The following OLA1 variants were observed in gnomAD, a reference collection of about 807,000 sequenced individuals.
OLA1 encodes Obg like ATPase 1.
In OLA1, 14 loss-of-function variants were observed where a neutral mutation model predicts 48.4. That is an observed-to-expected ratio of 0.29 (90% CI 0.19 to 0.45). OLA1 has a LOEUF of 0.45. Among genes scored for constraint, OLA1 ranks in the 20% least tolerant of loss-of-function variants. The pLI is 1.00. For missense variants in OLA1, 325 were observed against 467.1 expected, an observed-to-expected ratio of 0.70 and a Z score of 2.80; for synonymous variants, 127 against 150.4, an observed-to-expected ratio of 0.84 and a Z score of 1.14.
At chr2:174,215,047 C>CAAA (rs527994410) in intron 4 of OLA1, among the ~76,000 whole-genome samples, 1 of 109,756 alleles carries the variant, frequency 9.1e-6, no homozygotes, top group African/African-American at 3.5e-5. Flanking sequence ...GAGACTATCT[C>CAAA]AAAAAAAAAA....
rs191855870 is a variant in OLA1, at chr2:174,246,294, C to T, written c.101+421G>A. On this transcript the variant is annotated intron_variant, in intron 2 of 10. Transcript: ENST00000284719. ...CAGCCTGGGCGACAGAGTGAGACTC[C>T]ATCTCAAAAAAAAAAAAGAAAAAGA... Among the ~76,000 whole-genome samples the T allele has an allele frequency of 6.4e-4, 87 of 135,946 alleles. 1 individual carries two copies. Among genetic ancestry groups the T allele is most frequent in the Non-Finnish European group, 1.2e-3 (71 of 60,648 alleles). 89.2% of individuals were successfully genotyped at this position (135,946 alleles called of 152,430 possible).
chr2:174,179,181 T>C (rs16862456), intron 4 of OLA1, among the ~76,000 whole-genome samples: 16,800 of 151,554 alleles, frequency 0.11, 2,180 homozygotes, highest in East Asian at 0.7. Flanking sequence ...TTTACACATA[T>C]CCAGGATAAA....
chr2:174,231,481 T>C (rs1390062233), intron 2 of OLA1, among the ~76,000 whole-genome samples: 5 of 152,208 alleles, frequency 3.3e-5, no homozygotes, highest in African/African-American at 4.8e-5. Flanking sequence ...AGGTTGTTTA[T>C]GGAGTTTTTT....
At chr2:174,197,254 C>G (rs1339474200) in intron 4 of OLA1, among the ~76,000 whole-genome samples, 1 of 152,090 alleles carries the variant, frequency 6.6e-6, no homozygotes, top group African/African-American at 2.4e-5. Context: ...CAACAAACAC[C>G]CAAGCTCTAA....
chr2:174,153,457 G>A (rs1021730652), intron 4 of OLA1, among the ~76,000 whole-genome samples: 3 of 152,102 alleles, frequency 2.0e-5, no homozygotes, highest in Admixed American at 2.0e-4. Context: ...TAGTATAGTA[G>A]CAATCAAAAA....
intron 3 of OLA1, 112 bp downstream of exon 3, chr2:174,229,196 C>T (rs1455267414): frequency 1.7e-6 from 2 of 1,146,394 alleles, no homozygotes; most frequent in Non-Finnish European, 2.5e-6. Context: ...TTTATAATCA[C>T]CCAAAACAAT....
At chr2:174,222,514 C>T (rs1017106398) in intron 4 of OLA1, among the ~76,000 whole-genome samples, 1 of 152,050 alleles carries the variant, frequency 6.6e-6, no homozygotes, top group African/African-American at 2.4e-5. Context: ...GTCAACAGAG[C>T]CCAAACTAAG....
chr2:174,074,526 G>C lies in OLA1; in HGVS notation c.*900C>G, dbSNP rs1209202947. On this transcript the variant is annotated 3_prime_UTR_variant, in exon 11 of 11. Transcript: ENST00000284719. ...TTAAAATTTTCAAAGTCTGATCTTA[G>C]TATTTCAAAATCAGTGTAGGAACTT... is the stretch of plus-strand genomic sequence containing the variant. 1 of 152,182 alleles carries C rather than the reference G, an allele frequency of 6.6e-6. No homozygotes were observed. Among genetic ancestry groups the C allele is most frequent in the African/African-American group, 2.4e-5 (1 of 41,456 alleles). The allele number at this position is 152,182 out of a possible 1,614,324, so 9.4% of individuals were successfully genotyped here.
chr2:174,191,940 T>C (rs770801049), intron 4 of OLA1, among the ~76,000 whole-genome samples: 2 of 152,188 alleles, frequency 1.3e-5, no homozygotes, highest in Non-Finnish European at 2.9e-5. Context: ...CGGCAGCAGT[T>C]TGCCAATCCC....
intron 4 of OLA1, among the ~76,000 whole-genome samples, chr2:174,196,311 A>AT (rs777265284): frequency 6.6e-6 from 1 of 152,142 alleles, no homozygotes; most frequent in Non-Finnish European, 1.5e-5. Context: ...TGAAAATCAA[A>AT]TTGTATAATT....
chr2:174,099,281 G>A (rs1237373987), intron 7 of OLA1, among the ~76,000 whole-genome samples: 3 of 151,774 alleles, frequency 2.0e-5, no homozygotes, highest in South Asian at 2.1e-4. Flanking sequence ...TCAGCCTCCC[G>A]AGTAGCTGGG....
At chr2:174,117,587 A>G (rs1685812785) in intron 7 of OLA1, among the ~76,000 whole-genome samples, 1 of 152,172 alleles carries the variant, frequency 6.6e-6, no homozygotes, top group Non-Finnish European at 1.5e-5. Flanking sequence ...TAGTTAAACT[A>G]CAACATTAAA....
Position 174,073,700 on chromosome 2 carries a change from G to A in OLA1, c.*1726C>T, listed in dbSNP as rs1303525805. ...TTTTACTGATTTCAAACTTCTTTAA[G>A]AAGTCCATGCAATTTACTTTGGAGA... On this transcript the variant is annotated 3_prime_UTR_variant, in exon 11 of 11. Transcript: ENST00000284719. 2 of 152,156 alleles carry A rather than the reference G, an allele frequency of 1.3e-5. No individual in the cohort carries two copies. The highest frequency in any genetic ancestry group is 2.9e-5 in the Non-Finnish European group (2 of 68,026). The allele number at this position is 152,156 out of a possible 1,614,324, so 9.4% of individuals were successfully genotyped here.
rs71021680 is a variant in OLA1 at position 174,223,765 on chromosome 2, C to CAAAAAAAAAAAAAAAAA, written c.246-622_246-606dup. Among the ~76,000 whole-genome samples the CAAAAAAAAAAAAAAAAA allele has an allele frequency of 5.5e-5, 4 of 73,342 alleles. 1 individual carries two copies. Among genetic ancestry groups the CAAAAAAAAAAAAAAAAA allele is most frequent in the African/African-American group, 1.6e-4 (3 of 18,358 alleles). The allele number at this position is 73,342 out of a possible 152,430, so 48.1% of individuals were successfully genotyped here. ...TTTGATCACCCACATGTTATATAGA[C>CAAAAAAAAAAAAAAAAA]AAAAAAAAAAAAAAAAAAAAAAAGC... On this transcript the variant is annotated intron_variant, in intron 3 of 10. Transcript: ENST00000284719.
intron 7 of OLA1, among the ~76,000 whole-genome samples, chr2:174,082,653 C>T (rs894641995): frequency 6.6e-6 from 1 of 151,992 alleles, no homozygotes; most frequent in Non-Finnish European, 1.5e-5. Flanking sequence ...TGATCACGTA[C>T]GCAGCTGTAT....
chr2:174,090,330 C>T (rs1685085603), intron 7 of OLA1, among the ~76,000 whole-genome samples: 1 of 152,008 alleles, frequency 6.6e-6, no homozygotes, highest in Non-Finnish European at 1.5e-5. Context: ...AGGCAGGCAA[C>T]CTTAAAAGCA....
intron 2 of OLA1, among the ~76,000 whole-genome samples, chr2:174,233,350 G>A (rs555932466): frequency 3.0e-4 from 46 of 152,160 alleles, no homozygotes; most frequent in African/African-American, 1.1e-3. Context: ...ATTAAAAAAC[G>A]ATTAAGATGG....
At chr2:174,202,506 C>T (rs146988170) in intron 4 of OLA1, among the ~76,000 whole-genome samples, 33 of 152,224 alleles carry the variant, frequency 2.2e-4, no homozygotes, top group Non-Finnish European at 3.7e-4. Flanking sequence ...GTGTTTAATG[C>T]TATATTGTAA....
chr2:174,236,401 G>A (rs1461628061), intron 2 of OLA1, among the ~76,000 whole-genome samples: 1 of 151,978 alleles, frequency 6.6e-6, no homozygotes, highest in Non-Finnish European at 1.5e-5. Flanking sequence ...AAATTGAAAT[G>A]AAAAATACAC....
Sources: gnomAD v4.1 joint callset for allele counts (sites outside exome capture counted in the v4.1 genomes callset) on GRCh38, gnomAD v4.1.1 for gene constraint, MANE v1.5 for transcripts, NCBI Gene and HGNC (gene_info 2026-07-23, HGNC 2026-07-21) for gene names.